Variants in TENT5D observed in about 807,000 individuals in gnomAD.
TENT5D encodes the protein terminal nucleotidyltransferase 5D.
For missense variants in TENT5D, 191 were observed against 287.0 expected (o/e 0.67, Z 2.42); for synonymous variants, 103 against 100.6 (o/e 1.02, Z -0.15).
chrX:80,382,894 T>C lies in TENT5D; in HGVS notation c.-142+40330T>C, dbSNP rs183225371. ...GAGTGTCGCAATTTTCCTGGTACAG[T>C]CTTTCACGGCTTCCCTTGGCCAGGA... On this transcript the variant is annotated intron_variant, in intron 3 of 4. Coordinates refer to the TENT5D transcript ENST00000538312. Among the ~76,000 whole-genome samples, 215 of 112,152 alleles carry C rather than the reference T, an allele frequency of 1.9e-3. 2 individuals are homozygous for C. The highest frequency in any genetic ancestry group is 6.9e-3 in the African/African-American group (212 of 30,906).
chrX:80,419,797 A>C (rs942454588), upstream of TENT5D, among the ~76,000 whole-genome samples: 5 of 111,803 alleles, frequency 4.5e-5, no homozygotes, highest in Non-Finnish European at 9.4e-5. Flanking sequence ...TTCAGCCTTG[A>C]CCTTCTGGGC....
intron 2 of TENT5D, among the ~76,000 whole-genome samples, chrX:80,438,985 T>C (rs950471598): frequency 9.0e-6 from 1 of 111,474 alleles, no homozygotes; most frequent in African/African-American, 3.2e-5. Context: ...CCACTTTGCA[T>C]TGATTTTGGC....
At chrX:80,385,114 G>C (rs1345255064) in intron 3 of TENT5D, among the ~76,000 whole-genome samples, 1 of 111,270 alleles carries the variant, frequency 9.0e-6, no homozygotes. Flanking sequence ...GCATTGCCAA[G>C]ACAATCCTAA....
chrX:80,415,634 G>A (rs764125932), upstream of TENT5D, among the ~76,000 whole-genome samples: 2 of 111,844 alleles, frequency 1.8e-5, no homozygotes, highest in East Asian at 5.6e-4. Context: ...TTACATCCCA[G>A]GGATAAAGCC....
intron 3 of TENT5D, among the ~76,000 whole-genome samples, chrX:80,412,575 TG>T (rs1443354141): frequency 6.2e-5 from 7 of 112,142 alleles, no homozygotes; most frequent in Non-Finnish European, 1.3e-4. Context: ...AAATTTCTTC[TG>T]CCAGATACCG....
intron 3 of TENT5D, among the ~76,000 whole-genome samples, chrX:80,386,551 A>G (rs1347219791): frequency 2.7e-5 from 3 of 111,182 alleles, no homozygotes; most frequent in African/African-American, 9.9e-5. Context: ...AACTTAAAGT[A>G]TAATAAAAAA....
At position 80,351,413 on chromosome X, in the gene TENT5D, A is replaced by T. The variant is rs1282395617; in HGVS notation, c.-142+8849A>T. On this transcript the variant is annotated intron_variant, in intron 3 of 4. Coordinates refer to the TENT5D transcript ENST00000538312. ...TCAGTAAGTTGATCTTCAGTCTCTG[A>T]TATTCTTTCTTCTGCTTGATTGATT... 1.4e-4 allele frequency among the ~76,000 whole-genome samples: 15 copies of T among 105,066 alleles called. No individual in the cohort carries two copies. The Admixed American group carries it at 1.6e-3, about 11-fold the overall frequency. 91.2% of individuals were successfully genotyped at this position (105,066 alleles called of 115,157 possible).
At chrX:80,379,495 C>T (rs1159383088) in intron 3 of TENT5D, among the ~76,000 whole-genome samples, 3 of 110,803 alleles carry the variant, frequency 2.7e-5, no homozygotes, top group African/African-American at 9.8e-5. Flanking sequence ...CTCTTTTTCC[C>T]TCTTTTTCTA....
intron 3 of TENT5D, among the ~76,000 whole-genome samples, chrX:80,374,496 C>T (rs1467480225): frequency 9.0e-6 from 1 of 110,643 alleles, no homozygotes; most frequent in Non-Finnish European, 1.9e-5. Context: ...ACAACCTTGC[C>T]AGCACTTGTT....
chrX:80,437,058 A>ATTT (rs1932197201), intron 1 of TENT5D, among the ~76,000 whole-genome samples: 1 of 112,424 alleles, frequency 8.9e-6, no homozygotes. Context: ...GATTTGATTA[A>ATTT]AAGGATTTCT....
chrX:80,342,240 CT>C (rs1364153977), intron 2 of TENT5D, among the ~76,000 whole-genome samples: 1 of 111,708 alleles, frequency 9.0e-6, no homozygotes, highest in African/African-American at 3.3e-5. Flanking sequence ...ACTTATCAGA[CT>C]TTTCATAGAA....
At chrX:80,399,285 A>T (rs776864362) in intron 3 of TENT5D, among the ~76,000 whole-genome samples, 1 of 112,120 alleles carries the variant, frequency 8.9e-6, no homozygotes, top group South Asian at 3.7e-4. Flanking sequence ...AATTGATTTT[A>T]TATATTGTGT....
intron 3 of TENT5D, among the ~76,000 whole-genome samples, chrX:80,356,916 C>CCCACCCCACA (rs1436394596): frequency 9.0e-6 from 1 of 110,739 alleles, no homozygotes; most frequent in Non-Finnish European, 1.9e-5. Context: ...CCCCGCTCCT[C>CCCACCCCACA]CCACCCCACA....
intron 1 of TENT5D, among the ~76,000 whole-genome samples, chrX:80,429,796 G>A (rs1214923674): frequency 9.0e-6 from 1 of 110,829 alleles, no homozygotes; most frequent in Non-Finnish European, 1.9e-5. Context: ...TGATACCAGG[G>A]GCTTCCTGAG....
intron 1 of TENT5D, among the ~76,000 whole-genome samples, chrX:80,423,704 A>G (rs1299431898): frequency 9.1e-6 from 1 of 110,159 alleles, no homozygotes. Flanking sequence ...CATGTTTAGA[A>G]AAGAAAAAAA....
intron 3 of TENT5D, among the ~76,000 whole-genome samples, chrX:80,400,917 T>C (rs893586673): frequency 2.8e-4 from 31 of 111,777 alleles, no homozygotes; most frequent in African/African-American, 9.4e-4. Flanking sequence ...GGTGGCTCCA[T>C]ATTAATTTTC....
At chrX:80,338,051 A>G (rs1261513862) in intron 2 of TENT5D, among the ~76,000 whole-genome samples, 1 of 111,827 alleles carries the variant, frequency 8.9e-6, no homozygotes, top group Non-Finnish European at 1.9e-5. Flanking sequence ...AGGCGTGATA[A>G]TTTTCCTCTT....
At chrX:80,360,552 C>T (rs775399367) in intron 3 of TENT5D, among the ~76,000 whole-genome samples, 6 of 111,708 alleles carry the variant, frequency 5.4e-5, no homozygotes, top group African/African-American at 9.7e-5. Context: ...ACTATGAAAT[C>T]GTTTTTGTTA....
intron 3 of TENT5D, among the ~76,000 whole-genome samples, chrX:80,380,128 A>C (rs1166058684): frequency 9.2e-6 from 1 of 108,737 alleles, no homozygotes; most frequent in Non-Finnish European, 1.9e-5. Context: ...ACAGTGCTTT[A>C]AATGTGTCCC....
Sources: gnomAD v4.1 joint callset for allele counts (sites outside exome capture counted in the v4.1 genomes callset) on GRCh38, gnomAD v4.1.1 for gene constraint, MANE v1.5 for transcripts, NCBI Gene and HGNC (gene_info 2026-07-23, HGNC 2026-07-21) for gene names.